Variants in IGF1R observed in about 807,000 individuals in gnomAD.
IGF1R encodes insulin-like growth factor 1 receptor.
Under a neutral mutation model 144.6 loss-of-function variants are expected in IGF1R, and 44 were observed. The ratio of observed to expected loss-of-function variants is 0.30; its 90% confidence interval spans 0.24 to 0.39. The LOEUF is 0.39. Among genes scored for constraint, IGF1R ranks in the 10% least tolerant of loss-of-function variants. The probability of loss-of-function intolerance (pLI) is 1.00; values close to 1 mark genes in which losing one functional copy is unlikely to be tolerated. For synonymous variants in IGF1R, 795 were observed against 722.8 expected (o/e 1.10, Z -1.60); for missense variants, 1,355 against 1,833.7 (o/e 0.74, Z 4.77).
At chr15:98,942,856 G>A in intron 18 of IGF1R, 67 bp from the exon 19 acceptor site, 2 of 1,598,430 alleles carry the variant, frequency 1.3e-6, no homozygotes, top group Non-Finnish European at 1.7e-6. Context: ...TGAGTGTAGG[G>A]TCCTCTGCTG....
At chr15:98,761,308 C>A (rs1203999989) in intron 2 of IGF1R, among the ~76,000 whole-genome samples, 1 of 152,156 alleles carries the variant, frequency 6.6e-6, no homozygotes, top group East Asian at 1.9e-4. Context: ...TTTGCTGAGT[C>A]CTACATGAGT....
At chr15:98,821,454 G>A (rs571656327) in intron 2 of IGF1R, among the ~76,000 whole-genome samples, 2 of 152,330 alleles carry the variant, frequency 1.3e-5, no homozygotes, top group South Asian at 4.1e-4. Flanking sequence ...TGAGTACGTA[G>A]TCACTGTGGC....
chr15:98,798,397 C>T (rs1339250122), intron 2 of IGF1R, among the ~76,000 whole-genome samples: 3 of 151,302 alleles, frequency 2.0e-5, no homozygotes, highest in Non-Finnish European at 3.0e-5. Flanking sequence ...CTGGAGGCCA[C>T]GGTGAGGACT....
intron 3 of IGF1R, among the ~76,000 whole-genome samples, chr15:98,895,876 C>T (rs561515322): frequency 3.3e-5 from 5 of 152,264 alleles, no homozygotes; most frequent in African/African-American, 7.2e-5. Context: ...CGCATAAGTT[C>T]GTATTATTTG....
intron 2 of IGF1R, among the ~76,000 whole-genome samples, chr15:98,849,043 A>AT (rs145893809): frequency 0.036 from 5,485 of 152,238 alleles, 332 homozygotes; most frequent in African/African-American, 0.13. Flanking sequence ...AATACAACAG[A>AT]TTTTTTTCTT....
chr15:98,936,156 C>G (rs1367721773), intron 17 of IGF1R, among the ~76,000 whole-genome samples: 2 of 152,216 alleles, frequency 1.3e-5, no homozygotes, highest in African/African-American at 4.8e-5. Flanking sequence ...TCAGACTCTA[C>G]GTCCACGTTT....
At chr15:98,870,461 G>T (rs1325576151) in intron 2 of IGF1R, among the ~76,000 whole-genome samples, 1 of 152,206 alleles carries the variant, frequency 6.6e-6, no homozygotes, top group Non-Finnish European at 1.5e-5. Flanking sequence ...GCATCTCTAG[G>T]CAGGTCCAGA....
chr15:98,833,205 T>A (rs960501342), intron 2 of IGF1R, among the ~76,000 whole-genome samples: 18 of 152,228 alleles, frequency 1.2e-4, no homozygotes, highest in African/African-American at 4.3e-4. Context: ...GTATTGACTC[T>A]TCTGATCTCC....
At chr15:98,851,576 C>T (rs2011530158) in intron 2 of IGF1R, among the ~76,000 whole-genome samples, 1 of 152,160 alleles carries the variant, frequency 6.6e-6, no homozygotes, top group South Asian at 2.1e-4. Context: ...GGCTCAGGAC[C>T]TCTGAGGTGA....
intron 3 of IGF1R, among the ~76,000 whole-genome samples, 166 bp from the exon 4 acceptor site, chr15:98,896,591 T>A (rs1244828253): frequency 3.9e-5 from 6 of 152,188 alleles, no homozygotes; most frequent in African/African-American, 1.4e-4. Flanking sequence ...TTATCTTGGG[T>A]GGGCTTGGGG....
chr15:98,819,278 C>T (rs1254824285), intron 2 of IGF1R, among the ~76,000 whole-genome samples: 2 of 152,080 alleles, frequency 1.3e-5, no homozygotes, highest in Non-Finnish European at 2.9e-5. Flanking sequence ...TCTCTGGACC[C>T]CTTCACACTG....
intron 1 of IGF1R, among the ~76,000 whole-genome samples, chr15:98,686,967 G>T (rs969223812): frequency 6.6e-6 from 1 of 152,142 alleles, no homozygotes; most frequent in Admixed American, 6.5e-5. Context: ...ACTGCACCTG[G>T]CTTATTTAAA....
chr15:98,734,797 C>G (rs996153901), intron 2 of IGF1R: 1 of 152,130 alleles, frequency 6.6e-6, no homozygotes, highest in Admixed American at 6.5e-5. Context: ...TATGAAATAA[C>G]TTTTCTTCTA....
At chr15:98,759,298 A>G (rs992073231) in intron 2 of IGF1R, among the ~76,000 whole-genome samples, 2 of 152,210 alleles carry the variant, frequency 1.3e-5, no homozygotes, top group African/African-American at 4.8e-5. Flanking sequence ...CTGTTTATCC[A>G]GAGTGCCCCA....
chr15:98,768,105 C>T (rs959028083), intron 2 of IGF1R, among the ~76,000 whole-genome samples: 3 of 152,110 alleles, frequency 2.0e-5, no homozygotes, highest in Non-Finnish European at 4.4e-5. Context: ...ACGGTAGACT[C>T]CTGTGCTGGC....
intron 2 of IGF1R, among the ~76,000 whole-genome samples, chr15:98,708,313 G>A (rs555419688): frequency 5.4e-4 from 82 of 152,300 alleles, no homozygotes; most frequent in South Asian, 2.5e-3. Flanking sequence ...CTTGGATTGC[G>A]GGACTGTGGC....
intron 3 of IGF1R, among the ~76,000 whole-genome samples, chr15:98,896,148 A>G (rs1266321111): frequency 2.6e-5 from 4 of 152,200 alleles, no homozygotes; most frequent in African/African-American, 7.2e-5. Context: ...ATTTGGATCA[A>G]TTTACAAGTT....
Position 98,942,978 on chromosome 15 carries a change from A to G in IGF1R, c.3513A>G (p.Lys1171=). ...CAGACTATTACCGGAAAGGAGGGAA[A>G]GGGCTGCTGCCCGTGCGCTGGATGT... is the stretch of plus-strand genomic sequence containing the variant. ...YETDYYRKGG[K]GLLPVRWMSP... The change falls in exon 19 of 21, where the codon AAA becomes AAG. Residue 1171 remains lysine (K), a synonymous_variant. Coordinates refer to ENST00000650285, the MANE Select transcript of IGF1R (RefSeq NM_000875.5). The G allele has an allele frequency of 6.2e-7, 1 of 1,614,164 alleles. No individual in the cohort carries two copies. Among genetic ancestry groups the G allele is most frequent in the Non-Finnish European group, 8.5e-7 (1 of 1,179,980 alleles).
intron 2 of IGF1R, among the ~76,000 whole-genome samples, chr15:98,785,730 T>C (rs538647927): frequency 6.6e-6 from 1 of 152,300 alleles, no homozygotes; most frequent in East Asian, 1.9e-4. Flanking sequence ...AAATATTCTC[T>C]AGCCTGTATT....
Sources: allele counts gnomAD v4.1 joint callset (sites outside exome capture counted in the v4.1 genomes callset), GRCh38; gene constraint gnomAD v4.1.1; transcripts MANE v1.5; gene names NCBI Gene and HGNC (gene_info 2026-07-23, HGNC 2026-07-21).